TLCD4: variants seen among roughly 807,000 people sequenced by gnomAD.
TLCD4 encodes the protein TLC domain containing 4, also known as TLC domain-containing protein 4.
TLCD4 carries 7 observed loss-of-function variants against 24.2 expected under a neutral mutation model. That is an observed-to-expected ratio of 0.29 (90% CI 0.16 to 0.54). TLCD4 has a LOEUF of 0.54. TLCD4 is among the 20% of genes least tolerant of loss of function. The pLI is 0.95. For missense variants in TLCD4, 259 were observed against 313.9 expected (o/e 0.82, Z 1.32); for synonymous variants, 103 against 106.4 (o/e 0.97, Z 0.20).
the TLCD4 span, among the ~76,000 whole-genome samples, chr1:95,099,569 T>C: frequency 6.6e-6 from 1 of 152,226 alleles, no homozygotes; most frequent in Non-Finnish European, 1.5e-5. Context: ...TATTTTATTA[T>C]TCATCCAAAC....
chr1:95,103,867 A>C, the TLCD4 span, among the ~76,000 whole-genome samples: 3 of 152,262 alleles, frequency 2.0e-5, no homozygotes, highest in African/African-American at 7.2e-5. Context: ...AATTTGGATT[A>C]AGACAAAGTG....
At chr1:95,173,027 A>G (rs1218703550) in intron 5 of TLCD4, among the ~76,000 whole-genome samples, 1 of 152,242 alleles carries the variant, frequency 6.6e-6, no homozygotes, top group Non-Finnish European at 1.5e-5. Context: ...GGTAGAATGT[A>G]CTAGGTATTA....
chr1:95,177,399 C>T (rs2100999920), intron 6 of TLCD4, among the ~76,000 whole-genome samples: 1 of 152,168 alleles, frequency 6.6e-6, no homozygotes, highest in East Asian at 1.9e-4. Flanking sequence ...ATCAGAGACA[C>T]ATAAGTTAGA....
chr1:95,175,118 A>G (rs901113359), intron 6 of TLCD4, among the ~76,000 whole-genome samples: 1 of 152,194 alleles, frequency 6.6e-6, no homozygotes, highest in Non-Finnish European at 1.5e-5. Context: ...TGTGTTAAGT[A>G]TATTCACATT....
At chr1:95,098,537 G>C in the TLCD4 span, among the ~76,000 whole-genome samples, 3 of 152,112 alleles carry the variant, frequency 2.0e-5, no homozygotes, top group Non-Finnish European at 4.4e-5. Flanking sequence ...CTCTCATTCT[G>C]TGGTATTCTT....
chr1:95,124,525 T>G (rs1676657857), intron 1 of TLCD4, among the ~76,000 whole-genome samples: 1 of 152,174 alleles, frequency 6.6e-6, no homozygotes, highest in African/African-American at 2.4e-5. Flanking sequence ...CCATCTCATA[T>G]CATGTTGCCC....
rs556919968 is a variant in TLCD4 at position 95,191,587 on chromosome 1, A to G, written c.511A>G (p.Lys171Glu). The G allele has an allele frequency of 6.8e-6, 11 of 1,613,420 alleles. No homozygotes were observed. In the South Asian group the frequency reaches 1.1e-4, roughly 16 times the overall value. The change falls in exon 7 of 7, where the codon AAA (lysine) becomes GAA (glutamate). Residue 171 changes from lysine (K) to glutamate (E), a missense_variant. Transcript: ENST00000370203. ...FEALKYPKFS[K>E]AIVINGILMT... ...AGCTCTGAAGTATCCCAAGTTTTCT[A>G]AAGCTATCGTTATCAATGGAATACT...
the TLCD4 span, among the ~76,000 whole-genome samples, chr1:95,102,793 G>A: frequency 2.0e-5 from 3 of 152,058 alleles, no homozygotes; most frequent in Admixed American, 6.6e-5. Flanking sequence ...AGAAAAGACC[G>A]TTATGTTCTC....
intron 1 of TLCD4, among the ~76,000 whole-genome samples, chr1:95,131,159 G>C (rs192582041): frequency 6.6e-6 from 1 of 152,174 alleles, no homozygotes; most frequent in African/African-American, 2.4e-5. Context: ...ACCCTTATGG[G>C]GCATACATTC....
At chr1:95,166,612 C>T (rs1678025072) in intron 5 of TLCD4, among the ~76,000 whole-genome samples, 1 of 152,186 alleles carries the variant, frequency 6.6e-6, no homozygotes, top group Admixed American at 6.5e-5. Flanking sequence ...ATCATCCAGG[C>T]CTGAACCTTA....
At chr1:95,182,810 A>G (rs1037794521) in intron 6 of TLCD4, among the ~76,000 whole-genome samples, 3 of 152,084 alleles carry the variant, frequency 2.0e-5, no homozygotes, top group Non-Finnish European at 4.4e-5. Context: ...CGTGGCATAC[A>G]CTCTTAAAAT....
chr1:95,161,157 A>G (rs1483553021), intron 5 of TLCD4, among the ~76,000 whole-genome samples: 1 of 152,140 alleles, frequency 6.6e-6, no homozygotes, highest in Non-Finnish European at 1.5e-5. Flanking sequence ...TTGGTAGGCT[A>G]TTAATTATTG....
intron 5 of TLCD4, among the ~76,000 whole-genome samples, chr1:95,158,205 TGAGACAGAG>T (rs1677685310): frequency 8.4e-6 from 1 of 118,854 alleles, no homozygotes. Context: ...TTTTTTTTTT[TGAGACAGAG>T]TCTCATTCTG....
chr1:95,155,061 C>CCGCA (rs924124246), intron 5 of TLCD4, among the ~76,000 whole-genome samples: 4 of 151,006 alleles, frequency 2.6e-5, no homozygotes, highest in Non-Finnish European at 5.9e-5. Flanking sequence ...GGAAAGGGTG[C>CCGCA]CCATTTCTGT....
At chr1:95,107,277 G>T in the TLCD4 span, among the ~76,000 whole-genome samples, 1 of 152,114 alleles carries the variant, frequency 6.6e-6, no homozygotes, top group Non-Finnish European at 1.5e-5. Context: ...CAAAAAATTA[G>T]CCGGGCGTGG....
chr1:95,148,855 G>A, intron 3 of TLCD4, 64 bp downstream of exon 3: 2 of 1,574,292 alleles, frequency 1.3e-6, no homozygotes, highest in Non-Finnish European at 1.7e-6. Flanking sequence ...TTATTTATAA[G>A]AACATCACTT....
Position 95,139,455 on chromosome 1 carries a change from A to ATTTTTTT in TLCD4, c.-11-4420_-11-4414dup, listed in dbSNP as rs200337389. 2.9e-3 allele frequency among the ~76,000 whole-genome samples: 274 copies of ATTTTTTT among 93,968 alleles called. 11 individuals are homozygous for ATTTTTTT. Among genetic ancestry groups the ATTTTTTT allele is most frequent in the Non-Finnish European group, 4.4e-3 (215 of 49,292 alleles). 61.6% of individuals were successfully genotyped at this position (93,968 alleles called of 152,430 possible). On this transcript the variant is annotated intron_variant, in intron 1 of 6. Transcript: ENST00000370203. The stretch of plus-strand genomic sequence containing the variant: ...ATAAACTTTTTTATTTAAACCTTTG[A>ATTTTTTT]TTTTTTTTTTTTTTTTTTTTTTGAG...
intron 1 of TLCD4, among the ~76,000 whole-genome samples, chr1:95,135,436 G>A (rs914119718): frequency 7.2e-6 from 1 of 138,400 alleles, no homozygotes; most frequent in Non-Finnish European, 1.5e-5. Flanking sequence ...TTCCTCTGTC[G>A]CCCAGGCTGG....
intron 4 of TLCD4, among the ~76,000 whole-genome samples, chr1:95,150,491 G>A (rs1677464317): frequency 6.6e-6 from 1 of 152,118 alleles, no homozygotes; most frequent in Middle Eastern, 3.2e-3. Context: ...TCAAACAACT[G>A]AGGCCTGGAC....
Sources: allele counts gnomAD v4.1 joint callset (sites outside exome capture counted in the v4.1 genomes callset), GRCh38; gene constraint gnomAD v4.1.1; transcripts MANE v1.5; gene names NCBI Gene and HGNC (gene_info 2026-07-23, HGNC 2026-07-21).